Variants in NBEA observed in about 807,000 individuals in gnomAD.
The protein encoded by NBEA is neurobeachin.
A neutral mutation model predicts 343.4 loss-of-function variants in NBEA; 44 were observed. The observed-to-expected ratio is 0.13, with a 90% CI of 0.10 to 0.16. The LOEUF (loss-of-function observed/expected upper bound fraction) is 0.16. NBEA is among the 10% of genes least tolerant of loss of function. NBEA has a pLI of 1.00. For missense variants in NBEA, 2,555 were observed against 3,631.3 expected (o/e 0.70, Z 7.62); for synonymous variants, 1,175 against 1,238.7 (o/e 0.95, Z 1.08).
At chr13:35,450,935 AT>A (rs1349780912) in intron 39 of NBEA, among the ~76,000 whole-genome samples, 1 of 152,204 alleles carries the variant, frequency 6.6e-6, no homozygotes, top group Non-Finnish European at 1.5e-5. Flanking sequence ...TTTTATATTA[AT>A]TGACACCTGC....
At chr13:35,079,107 T>C (rs914061558) in intron 10 of NBEA, among the ~76,000 whole-genome samples, 1 of 152,098 alleles carries the variant, frequency 6.6e-6, no homozygotes, top group Non-Finnish European at 1.5e-5. Context: ...TGACCCTGTA[T>C]GAAATAGCAG....
At chr13:35,021,360 A>AT (rs947024826) in intron 1 of NBEA, among the ~76,000 whole-genome samples, 15 of 152,186 alleles carry the variant, frequency 9.9e-5, no homozygotes, top group African/African-American at 3.6e-4. Context: ...GACCCTCTGC[A>AT]TTTTTTTGTA....
chr13:35,627,138 G>T (rs1019760663), intron 48 of NBEA, among the ~76,000 whole-genome samples: 2 of 152,162 alleles, frequency 1.3e-5, no homozygotes, highest in Non-Finnish European at 2.9e-5. Context: ...TCAACACCAT[G>T]GAAATCACAG....
intron 41 of NBEA, among the ~76,000 whole-genome samples, chr13:35,511,066 G>A (rs73497990): frequency 0.043 from 6,554 of 152,154 alleles, 508 homozygotes; most frequent in African/African-American, 0.15. Flanking sequence ...GTTTGCTATT[G>A]AAGGAAATGT....
intron 55 of NBEA, among the ~76,000 whole-genome samples, chr13:35,656,400 T>G (rs549851002): frequency 6.6e-6 from 1 of 152,366 alleles, no homozygotes; most frequent in African/African-American, 2.4e-5. Flanking sequence ...TCAAACTTTC[T>G]ACATAAGCTC....
intron 18 of NBEA, among the ~76,000 whole-genome samples, chr13:35,152,272 C>T (rs1167426103): frequency 6.6e-6 from 1 of 152,134 alleles, no homozygotes; most frequent in African/African-American, 2.4e-5. Flanking sequence ...CAACTTTAAG[C>T]ACTTAATAAT....
At chr13:35,538,932 T>C (rs986627744) in intron 41 of NBEA, among the ~76,000 whole-genome samples, 3 of 152,248 alleles carry the variant, frequency 2.0e-5, no homozygotes, top group Admixed American at 6.5e-5. Context: ...GAAGAGGGTG[T>C]CACCCATGTT....
At chr13:35,458,771 G>A (rs551444712) in intron 40 of NBEA, among the ~76,000 whole-genome samples, 5 of 152,074 alleles carry the variant, frequency 3.3e-5, no homozygotes, top group South Asian at 4.2e-4. Context: ...TTAACTAAAT[G>A]TCTCTGTAAG....
At chr13:35,068,959 G>A (rs781235209) in intron 8 of NBEA, among the ~76,000 whole-genome samples, 4 of 152,006 alleles carry the variant, frequency 2.6e-5, no homozygotes, top group African/African-American at 7.2e-5. Flanking sequence ...TATGCCTCCC[G>A]TAAGAACTTG....
intron 33 of NBEA, among the ~76,000 whole-genome samples, chr13:35,216,365 C>G (rs1180733661): frequency 1.3e-5 from 2 of 151,868 alleles, no homozygotes; most frequent in African/African-American, 4.8e-5. Flanking sequence ...TTATGTATTG[C>G]CTATCACTGC....
At chr13:34,989,582 A>T (rs1388534103) in intron 1 of NBEA, among the ~76,000 whole-genome samples, 2 of 150,790 alleles carry the variant, frequency 1.3e-5, no homozygotes, top group Admixed American at 1.3e-4. Flanking sequence ...GTCTCCCACT[A>T]GGTGCCCCCT....
intron 48 of NBEA, among the ~76,000 whole-genome samples, chr13:35,611,952 G>A (rs1286826997): frequency 6.6e-6 from 1 of 152,064 alleles, no homozygotes; most frequent in African/African-American, 2.4e-5. Context: ...GGGTCATATG[G>A]TAAATTTATG....
chr13:35,400,196 TAAA>T (rs71081251), intron 38 of NBEA, among the ~76,000 whole-genome samples: 30,245 of 77,286 alleles, frequency 0.39, 5,633 homozygotes, highest in Middle Eastern at 0.53. Context: ...CTTCAATTTG[TAAA>T]AAAAAAAAAA....
intron 16 of NBEA, among the ~76,000 whole-genome samples, chr13:35,121,052 A>G (rs1360232900): frequency 6.6e-6 from 1 of 152,088 alleles, no homozygotes; most frequent in Admixed American, 6.6e-5. Flanking sequence ...ACTCTGTGAG[A>G]ACTTCCAGTT....
intron 38 of NBEA, among the ~76,000 whole-genome samples, chr13:35,370,229 C>A (rs990450230): frequency 1.3e-5 from 2 of 151,738 alleles, no homozygotes; most frequent in Non-Finnish European, 3.0e-5. Flanking sequence ...GTGCTGAGTG[C>A]ATATATGTTT....
Position 35,443,971 on chromosome 13 carries a change from G to T in NBEA, c.6305-8121G>T, listed in dbSNP as rs2045867525. Among the ~76,000 whole-genome samples the T allele has an allele frequency of 5.3e-5, 8 of 151,940 alleles. No individual in the cohort carries two copies. The South Asian group carries it at 1.7e-3, about 32-fold the overall frequency. On this transcript the variant is annotated intron_variant, in intron 39 of 58. Coordinates refer to ENST00000379939, the MANE Select transcript of NBEA (RefSeq NM_001385012.1). ...CTTAAGGAAGGACGCACTTAATAAAGTCAAACACAAAATTAAAATTGGAAT... is the reference window on the plus strand; with the variant it reads ...CTTAAGGAAGGACGCACTTAATAAATTCAAACACAAAATTAAAATTGGAAT...
chr13:35,113,752 C>T (rs9543378), intron 13 of NBEA, among the ~76,000 whole-genome samples: 26,537 of 152,164 alleles, frequency 0.17, 2,588 homozygotes, highest in East Asian at 0.45. Context: ...CATAAGGTCT[C>T]TGTTGCACAT....
At chr13:35,354,935 A>AG (rs1450717872) in intron 38 of NBEA, among the ~76,000 whole-genome samples, 2 of 152,078 alleles carry the variant, frequency 1.3e-5, no homozygotes, top group African/African-American at 4.8e-5. Context: ...ACATATGAAA[A>AG]CTAAGCTTCT....
intron 34 of NBEA, among the ~76,000 whole-genome samples, chr13:35,263,925 C>T (rs933202182): frequency 6.0e-5 from 9 of 149,232 alleles, no homozygotes; most frequent in East Asian, 3.9e-4. Flanking sequence ...AATAAAGATC[C>T]GAGCAGAAAT....
Sources: allele counts gnomAD v4.1 joint callset (sites outside exome capture counted in the v4.1 genomes callset), GRCh38; gene constraint gnomAD v4.1.1; transcripts MANE v1.5; gene names NCBI Gene and HGNC (gene_info 2026-07-23, HGNC 2026-07-21).